Variants in EXOC4 observed in about 807,000 individuals in gnomAD.
EXOC4 encodes the protein exocyst complex component 4, also known as SEC8-like 1.
Under a neutral mutation model 107.2 loss-of-function variants are expected in EXOC4, and 71 were observed. The ratio of observed to expected loss-of-function variants is 0.66; its 90% CI spans 0.55 to 0.81. The LOEUF is 0.81. EXOC4 is among the 30% of genes least tolerant of loss of function. EXOC4 has a pLI of 0.00. For missense variants in EXOC4, 1,108 were observed against 1,189.6 expected, an observed-to-expected ratio of 0.93 and a Z score of 1.01; for synonymous variants, 456 against 441.2, an observed-to-expected ratio of 1.03 and a Z score of -0.42.
Position 133,275,140 on chromosome 7 carries a change from G to GC in EXOC4, c.246dup (p.Ile83HisfsTer3), listed in dbSNP as rs1562997963. 1 of 1,601,186 alleles carries GC rather than the reference G, an allele frequency of 6.2e-7. No homozygotes were observed. The highest frequency in any genetic ancestry group is 2.2e-5 in the East Asian group (1 of 44,730). ...CGCACATACCAGAGCATCACAGAGC[G>GC]CATCACTAACTCCCGAAATAAAATA... On this transcript the variant is annotated frameshift_variant, in exon 2 of 18. Coordinates refer to ENST00000253861, the MANE Select transcript of EXOC4 (RefSeq NM_021807.4). LOFTEE classifies it high-confidence loss of function.
chr7:133,810,195 C>T (rs981155287), intron 10 of EXOC4, among the ~76,000 whole-genome samples: 3 of 152,090 alleles, frequency 2.0e-5, no homozygotes, highest in East Asian at 3.8e-4. Context: ...TTCTACAATA[C>T]GATATAGGAC....
intron 17 of EXOC4, among the ~76,000 whole-genome samples, chr7:134,012,383 G>A (rs1292252098): frequency 6.6e-6 from 1 of 152,114 alleles, no homozygotes; most frequent in Non-Finnish European, 1.5e-5. Context: ...GTCAGATGAG[G>A]ATATATTTTA....
At chr7:133,800,242 A>G (rs541180767) in intron 10 of EXOC4, among the ~76,000 whole-genome samples, 1 of 152,316 alleles carries the variant, frequency 6.6e-6, no homozygotes, top group South Asian at 2.1e-4. Flanking sequence ...ATTCCTTTGG[A>G]TTCTCTTAAA....
At chr7:133,627,246 G>T (rs911159555) in intron 9 of EXOC4, among the ~76,000 whole-genome samples, 13 of 152,194 alleles carry the variant, frequency 8.5e-5, no homozygotes, top group Admixed American at 7.2e-4. Flanking sequence ...AATGGTACGA[G>T]GGGAGAGGGA....
intron 9 of EXOC4, among the ~76,000 whole-genome samples, chr7:133,561,956 C>T (rs181737160): frequency 7.9e-5 from 12 of 152,306 alleles, no homozygotes; most frequent in Admixed American, 7.8e-4. Context: ...CAAATGTATG[C>T]ATAGCTCACA....
intron 10 of EXOC4, among the ~76,000 whole-genome samples, chr7:133,777,237 T>G (rs1374163084): frequency 6.6e-6 from 1 of 151,532 alleles, no homozygotes; most frequent in African/African-American, 2.4e-5. Context: ...GAAGATCATG[T>G]ATACTTTCTT....
In EXOC4 at chr7:133,836,232, C is replaced by T. The variant is rs1268731867; in HGVS notation, c.1734+18688C>T. ...TACATTATTAATTTTCCCCAGCTAG[C>T]ATTGGTATTCTCTATCATATAAAGG... On this transcript the variant is annotated intron_variant, in intron 11 of 17. Transcript: ENST00000253861. 2.6e-5 allele frequency among the ~76,000 whole-genome samples: 4 copies of T among 152,296 alleles called. No individual in the cohort carries two copies. The East Asian group carries it at 7.7e-4, about 29-fold the overall frequency.
rs576808000 is a variant in EXOC4, at chr7:133,609,389, A to G, written c.1418-20656A>G. On this transcript the variant is annotated intron_variant, in intron 9 of 17. Coordinates refer to ENST00000253861, the MANE Select transcript of EXOC4 (RefSeq NM_021807.4). ...GCTATTGTGAATATAGCATATTCCA[A>G]TTACATGTATATTGTGACTGCAGTG... 4.6e-5 allele frequency among the ~76,000 whole-genome samples: 7 copies of G among 152,336 alleles called. No individual in the cohort carries two copies. In the East Asian group the frequency reaches 1.3e-3, roughly 29 times the overall value.
At chr7:133,516,216 C>T (rs960333499) in intron 9 of EXOC4, among the ~76,000 whole-genome samples, 1 of 152,080 alleles carries the variant, frequency 6.6e-6, no homozygotes, top group Non-Finnish European at 1.5e-5. Context: ...ATTCACATAC[C>T]ATACTGTTCA....
intron 10 of EXOC4, among the ~76,000 whole-genome samples, chr7:133,777,163 A>T (rs1054397659): frequency 6.6e-6 from 1 of 151,968 alleles, no homozygotes; most frequent in African/African-American, 2.4e-5. Flanking sequence ...ATCTTTAATG[A>T]TTCTTGTTGC....
At chr7:133,534,846 C>T (rs1431013841) in intron 9 of EXOC4, among the ~76,000 whole-genome samples, 2 of 152,050 alleles carry the variant, frequency 1.3e-5, no homozygotes, top group African/African-American at 4.8e-5. Flanking sequence ...TCTTTGGTGA[C>T]GTGGACTGAA....
At chr7:134,063,658 A>G (rs1371984282) in intron 17 of EXOC4, among the ~76,000 whole-genome samples, 2 of 152,156 alleles carry the variant, frequency 1.3e-5, no homozygotes, top group Non-Finnish European at 2.9e-5. Context: ...TCTCCGAGCT[A>G]CTTGAGGAAA....
chr7:133,289,669 C>T (rs1474572646), intron 3 of EXOC4, among the ~76,000 whole-genome samples: 2 of 152,092 alleles, frequency 1.3e-5, no homozygotes, highest in Admixed American at 6.5e-5. Flanking sequence ...CTGAAAGTTC[C>T]CAGAAGGATG....
At chr7:134,019,983 G>T (rs1478473346) in intron 17 of EXOC4, among the ~76,000 whole-genome samples, 1 of 152,082 alleles carries the variant, frequency 6.6e-6, no homozygotes, top group Non-Finnish European at 1.5e-5. Flanking sequence ...TGTTCATGCT[G>T]CTTGTGGGTC....
At chr7:133,585,812 G>C (rs1801390084) in intron 9 of EXOC4, among the ~76,000 whole-genome samples, 1 of 152,058 alleles carries the variant, frequency 6.6e-6, no homozygotes, top group Admixed American at 6.5e-5. Context: ...TTCTGCCTCT[G>C]CCTCCCTTTT....
intron 15 of EXOC4, among the ~76,000 whole-genome samples, chr7:134,004,627 C>G (rs1230413568): frequency 6.6e-6 from 1 of 152,138 alleles, no homozygotes; most frequent in African/African-American, 2.4e-5. Context: ...TAGCAGCCAG[C>G]TTGCCCCAGA....
chr7:133,254,574 G>A (rs1344667658), intron 1 of EXOC4, among the ~76,000 whole-genome samples: 2 of 152,120 alleles, frequency 1.3e-5, no homozygotes. Flanking sequence ...TAAACAATAG[G>A]TATTTAGTGC....
chr7:134,012,340 G>A (rs980516403), intron 17 of EXOC4, among the ~76,000 whole-genome samples: 2 of 152,180 alleles, frequency 1.3e-5, no homozygotes, highest in African/African-American at 4.8e-5. Flanking sequence ...GTGATTCAAA[G>A]CAAGATGGTA....
chr7:133,965,874 A>G (rs1207175619), intron 14 of EXOC4, among the ~76,000 whole-genome samples: 1 of 152,176 alleles, frequency 6.6e-6, no homozygotes, highest in Non-Finnish European at 1.5e-5. Flanking sequence ...AGCCAATGGT[A>G]TTTTGATGAG....
Sources: allele counts gnomAD v4.1 joint callset (sites outside exome capture counted in the v4.1 genomes callset), GRCh38; gene constraint gnomAD v4.1.1; transcripts MANE v1.5; gene names NCBI Gene and HGNC (gene_info 2026-07-23, HGNC 2026-07-21).